The following IL2RA variants were observed in gnomAD, a reference collection of about 807,000 sequenced individuals.
IL2RA encodes interleukin-2 receptor subunit alpha.
Under a neutral mutation model 37.8 loss-of-function variants are expected in IL2RA, and 24 were observed. The ratio of observed to expected loss-of-function variants is 0.63; its 90% CI spans 0.46 to 0.89. The LOEUF (loss-of-function observed/expected upper bound fraction) is 0.89, where lower values mean the gene tolerates loss of function less well. IL2RA is among the 40% of genes least tolerant of loss of function. The pLI is 0.00. For synonymous variants in IL2RA, 125 were observed against 114.6 expected, an observed-to-expected ratio of 1.09 and a Z score of -0.58; for missense variants, 319 against 348.6, an observed-to-expected ratio of 0.92 and a Z score of 0.68.
chr10:6,044,307 G>C lies in IL2RA; in HGVS notation c.64+17781C>G, dbSNP rs1359270379. On this transcript the variant is annotated intron_variant, in intron 1 of 7. Transcript: ENST00000379959. This position sits in a 1 kb window ranked among gnomAD's most constrained non-coding sequence, Gnocchi z 4.5. ...GCTTTATTGAAGTGGCAATGTTATA[G>C]TTCCGGCTGTGCTACAGCTCCGTGA... 6.6e-6 allele frequency among the ~76,000 whole-genome samples: 1 copy of C among 152,256 alleles called. No homozygotes were observed. Among genetic ancestry groups the C allele is most frequent in the Non-Finnish European group, 1.5e-5 (1 of 68,048 alleles).
intron 1 of IL2RA, among the ~76,000 whole-genome samples, chr10:6,030,044 A>G (rs951042144): frequency 6.6e-6 from 1 of 152,220 alleles, no homozygotes; most frequent in Non-Finnish European, 1.5e-5. Flanking sequence ...AAAAGTTACA[A>G]TATCTGAAAT....
rs531349516 is a variant in IL2RA at position 6,056,291 on chromosome 10, A to G, written c.64+5797T>C. 6.6e-6 allele frequency among the ~76,000 whole-genome samples: 1 copy of G among 152,350 alleles called. No homozygotes were observed. The highest frequency in any genetic ancestry group is 2.4e-5 in the African/African-American group (1 of 41,594). The stretch of plus-strand genomic sequence containing the variant: ...TTCTTCATCTCTGTAATCCTCATGC[A>G]TGAATGGATGGATGAAGGAATATCA... On this transcript the variant is annotated intron_variant, in intron 1 of 7. Transcript: ENST00000379959. This position sits in a 1 kb window ranked among gnomAD's most constrained non-coding sequence, Gnocchi z 5.0.
chr10:6,024,188 C>G, intron 3 of IL2RA, 56 bp downstream of exon 3: 1 of 1,152,180 alleles, frequency 8.7e-7, no homozygotes, highest in Non-Finnish European at 1.3e-6. Context: ...CATCATCTGC[C>G]TGCAGGAGAA....
chr10:6,031,462 A>ATATATATATG (rs1839577541), intron 1 of IL2RA, among the ~76,000 whole-genome samples: 1 of 32,328 alleles, frequency 3.1e-5, no homozygotes, highest in African/African-American at 1.9e-4. Context: ...ATACATATAT[A>ATATATATATG]TATATATATA....
At chr10:6,024,601 TCATGTATGTTACGTGTCTGTGTATGC>T (rs796948196) in intron 2 of IL2RA, among the ~76,000 whole-genome samples, 2,759 of 152,236 alleles carry the variant, frequency 0.018, 119 homozygotes, top group East Asian at 0.094. Flanking sequence ...TCTGTGCATG[TCATGTATGTTACGTGTCTGTGTATGC>T]CATGTATGTT....
rs921610798 is a variant in IL2RA at position 6,021,249 on chromosome 10, C to T, written c.583+229G>A. ...TTCTCTTCTGTCTCCAACCTTTCTC[C>T]CCACTCAGGGCACAGGGGGACCTTC... On this transcript the variant is annotated intron_variant, in intron 4 of 7. Transcript: ENST00000379959. This position sits in a 1 kb window ranked among gnomAD's most constrained non-coding sequence, Gnocchi z 4.9. Among the ~76,000 whole-genome samples, 3 of 152,052 alleles carry T rather than the reference C, an allele frequency of 2.0e-5. No homozygotes were observed. The highest frequency in any genetic ancestry group is 4.4e-5 in the Non-Finnish European group (3 of 68,000).
In IL2RA at chr10:6,036,522, CAAAA is replaced by C. The variant is rs1405832599; in HGVS notation, c.65-10501_65-10498del. ...GTGAAAACAAAACAAAACAAACAAA[CAAAA>C]AAGAGGCCCCATTCACAGTAAAGAT... On this transcript the variant is annotated intron_variant, in intron 1 of 7. Transcript: ENST00000379959. This position sits in a 1 kb window ranked among gnomAD's most constrained non-coding sequence, Gnocchi z 6.1. The C allele has an allele frequency of 6.6e-6, 1 of 151,530 alleles. No individual in the cohort carries two copies. Among genetic ancestry groups the C allele is most frequent in the African/African-American group, 2.4e-5 (1 of 40,824 alleles). The allele number at this position is 151,530 out of a possible 1,614,324, so 9.4% of individuals were successfully genotyped here. A position where few individuals can be genotyped will look rare whatever the true frequency, so the allele number is the denominator to read the frequency against.
In IL2RA at chr10:6,021,424, G is replaced by C. The variant is rs1839385099; in HGVS notation, c.583+54C>G. ...AGGAGTGGTCAGGGATTCCACTCTGGTCAGCCTGATGGAGCAAAGCAACAT... is the reference window on the plus strand; with the variant it reads ...AGGAGTGGTCAGGGATTCCACTCTGCTCAGCCTGATGGAGCAAAGCAACAT... On this transcript the variant is annotated intron_variant, in intron 4 of 7. Coordinates refer to ENST00000379959, the MANE Select transcript of IL2RA (RefSeq NM_000417.3). The surrounding 1 kb of genome is among the most constrained non-coding windows in gnomAD (Gnocchi z 4.9). 6.8e-7 allele frequency: 1 copy of C among 1,463,458 alleles called. No homozygotes were observed. Among genetic ancestry groups the C allele is most frequent in the South Asian group, 1.1e-5 (1 of 87,908 alleles). 90.7% of individuals were successfully genotyped at this position (1,463,458 alleles called of 1,614,324 possible).
At chr10:6,016,487 T>A (rs1200137527) in intron 7 of IL2RA, among the ~76,000 whole-genome samples, 2 of 151,706 alleles carry the variant, frequency 1.3e-5, no homozygotes, top group African/African-American at 2.4e-5. Context: ...AAATGATGAA[T>A]TTTATCTCAA....
rs1839355712 is a variant in IL2RA, at chr10:6,019,928, A to C, written c.597T>G (p.Pro199=). Residue 199 remains proline, a synonymous_variant, in exon 5 of 8, where the codon CCT becomes CCG. Coordinates refer to ENST00000379959, the MANE Select transcript of IL2RA (RefSeq NM_000417.3). ...CAGGACGGCCTTCGGGGCTTGCCTG[A>C]GGCTTCTCTTCACCTGGGGGAGAGA... ...ETSQFPGEEK[P]QASPEGRPES... is the part of the protein sequence containing the mutation. The C allele has an allele frequency of 5.0e-6, 8 of 1,613,998 alleles. No individual in the cohort carries two copies. The East Asian group carries it at 1.8e-4, about 36-fold the overall frequency.
At chr10:6,039,691 C>T (rs1192194004) in intron 1 of IL2RA, 1 of 152,140 alleles carries the variant, frequency 6.6e-6, no homozygotes, top group African/African-American at 2.4e-5. Flanking sequence ...GAATCTTCCT[C>T]CTCTTTCACT....
rs1839308818 is a variant in IL2RA, at chr10:6,018,093, T to C, written c.754A>G (p.Ser252Gly). ...GTGAGCCCACTCAGGAGGAGGACGCTGATCAGCAGGAAAACACAGCCGGCC... is the reference window on the plus strand; with the variant it reads ...GTGAGCCCACTCAGGAGGAGGACGCCGATCAGCAGGAAAACACAGCCGGCC... ...AVAGCVFLLI[S>G]VLLLSGLTWQ... Residue 252 changes from serine to glycine, a missense_variant, in exon 7 of 8, where the codon AGC (serine) becomes GGC (glycine). By Grantham distance (56) the Ser-to-Gly change is moderately conservative. Coordinates refer to ENST00000379959, the MANE Select transcript of IL2RA (RefSeq NM_000417.3). This position sits in a 1 kb window ranked among gnomAD's most constrained non-coding sequence, Gnocchi z 5.1. 2 of 1,613,914 alleles carry C rather than the reference T, an allele frequency of 1.2e-6. No individual in the cohort carries two copies. Among genetic ancestry groups the C allele is most frequent in the African/African-American group, 1.3e-5 (1 of 74,978 alleles).
chr10:6,054,549 T>G lies in IL2RA; in HGVS notation c.64+7539A>C, dbSNP rs2256867. Among the ~76,000 whole-genome samples, 146,204 of 152,212 alleles carry G rather than the reference T, an allele frequency of 0.96. 70,502 individuals are homozygous for G. Among genetic ancestry groups the G allele is most frequent in the East Asian group, 1 (5,176 of 5,176 alleles). On this transcript the variant is annotated intron_variant, in intron 1 of 7. Coordinates refer to ENST00000379959, the MANE Select transcript of IL2RA (RefSeq NM_000417.3). This position sits in a 1 kb window ranked among gnomAD's most constrained non-coding sequence, Gnocchi z 4.5. Reference sequence around the variant, plus strand: ...TTGCTTGGCACACACACACAAAACTTCATGTATGTTGAAATATGGCTCATT... The same window carrying G: ...TTGCTTGGCACACACACACAAAACTGCATGTATGTTGAAATATGGCTCATT...
rs542942584 is a variant in IL2RA at position 6,012,689 on chromosome 10, G to T, written c.*183C>A. The stretch of plus-strand genomic sequence containing the variant: ...CTCGCTCTCTGATGGGACTGAGCTG[G>T]CATAGAGACAAGGTTGCCACTGCCC... On this transcript the variant is annotated 3_prime_UTR_variant, in exon 8 of 8. Transcript: ENST00000379959. The surrounding 1 kb of genome is among the most constrained non-coding windows in gnomAD (Gnocchi z 4.8). 26 of 684,738 alleles carry T rather than the reference G, an allele frequency of 3.8e-5. No individual in the cohort carries two copies. In the Admixed American group the frequency reaches 5.1e-4, roughly 14 times the overall value. 42.4% of individuals were successfully genotyped at this position (684,738 alleles called of 1,614,324 possible).
chr10:6,032,303 G>A (rs1039132678), intron 1 of IL2RA, among the ~76,000 whole-genome samples: 3 of 152,176 alleles, frequency 2.0e-5, no homozygotes, highest in African/African-American at 7.2e-5. Context: ...GACTTTGCAA[G>A]TTGGAGATAG....
intron 2 of IL2RA, 41 bp from the exon 3 acceptor site, chr10:6,024,395 T>A: frequency 7.1e-7 from 1 of 1,398,988 alleles, no homozygotes; most frequent in Non-Finnish European, 1.0e-6. Flanking sequence ...ATTTCACAAA[T>A]GCTTCATAGA....
chr10:6,021,720 G>C lies in IL2RA; in HGVS notation c.368-27C>G, dbSNP rs763226676. On this transcript the variant is annotated intron_variant, in intron 3 of 7. Coordinates refer to ENST00000379959, the MANE Select transcript of IL2RA (RefSeq NM_000417.3). The surrounding 1 kb of genome is among the most constrained non-coding windows in gnomAD (Gnocchi z 4.9). Reference sequence around the variant, plus strand: ...TGGAAGATGGAAGGAATGCTCTGAAGGCAAGTTGGGGACAGCACCGCGAGT... The same window carrying C: ...TGGAAGATGGAAGGAATGCTCTGAACGCAAGTTGGGGACAGCACCGCGAGT... The C allele has an allele frequency of 1.2e-6, 2 of 1,601,644 alleles. No homozygotes were observed. Among genetic ancestry groups the C allele is most frequent in the South Asian group, 2.2e-5 (2 of 90,662 alleles).
chr10:6,023,953 C>T (rs377589114), intron 3 of IL2RA, among the ~76,000 whole-genome samples: 3 of 152,324 alleles, frequency 2.0e-5, no homozygotes, highest in South Asian at 2.1e-4. Flanking sequence ...ACCCAACAGA[C>T]GCTTTTAAGT....
rs1840005923 is a variant in IL2RA, at chr10:6,054,064, G to A, written c.64+8024C>T. The stretch of plus-strand genomic sequence containing the variant: ...ACCCGTTCCTCTTCCTCCCAGCACA[G>A]TGACCTTCCGGTCAACCCCACCCAT... On this transcript the variant is annotated intron_variant, in intron 1 of 7. Coordinates refer to ENST00000379959, the MANE Select transcript of IL2RA (RefSeq NM_000417.3). The surrounding 1 kb of genome is among the most constrained non-coding windows in gnomAD (Gnocchi z 4.5). 6.6e-6 allele frequency among the ~76,000 whole-genome samples: 1 copy of A among 152,206 alleles called. No homozygotes were observed.
Sources: gnomAD v4.1 joint callset for allele counts (sites outside exome capture counted in the v4.1 genomes callset) on GRCh38, gnomAD v4.1.1 for gene constraint, Gnocchi (gnomAD v3.1) non-coding constraint, MANE v1.5 for transcripts, NCBI Gene and HGNC (gene_info 2026-07-23, HGNC 2026-07-21) for gene names.